The following SFSWAP variants were observed in gnomAD, a reference collection of about 807,000 sequenced individuals.
SFSWAP encodes splicing factor, suppressor of white-apricot homolog.
Under a neutral mutation model 100.7 loss-of-function variants are expected in SFSWAP, and 17 were observed. The ratio of observed to expected loss-of-function variants is 0.17; its 90% confidence interval spans 0.12 to 0.25. The LOEUF (loss-of-function observed/expected upper bound fraction) is 0.25. SFSWAP is among the 10% of genes least tolerant of loss of function. The pLI, the probability that SFSWAP is intolerant of heterozygous loss-of-function variation, is 1.00. For missense variants in SFSWAP, 1,005 were observed against 1,262.6 expected (o/e 0.80, Z 3.09); for synonymous variants, 504 against 510.1 (o/e 0.99, Z 0.16).
At chr12:131,736,069 C>G (rs1006535856) in intron 7 of SFSWAP, among the ~76,000 whole-genome samples, 5 of 152,200 alleles carry the variant, frequency 3.3e-5, no homozygotes, top group Admixed American at 1.3e-4. Flanking sequence ...AGCCACCAGT[C>G]CAGCCAGGGA....
At position 131,714,280 on chromosome 12, in the gene SFSWAP, T is replaced by A. The variant is rs112755747; in HGVS notation, c.388+40T>A. 3.3e-6 allele frequency: 5 copies of A among 1,525,160 alleles called. No individual in the cohort carries two copies. Among genetic ancestry groups the A allele is most frequent in the South Asian group, 2.5e-5 (2 of 80,688 alleles). 94.5% of individuals were successfully genotyped at this position (1,525,160 alleles called of 1,614,324 possible). A position where few individuals can be genotyped will look rare whatever the true frequency, so the allele number is the denominator to read the frequency against. On this transcript the variant is annotated intron_variant, in intron 2 of 17. Transcript: ENST00000261674. The surrounding 1 kb of genome is among the most constrained non-coding windows in gnomAD (Gnocchi z 6.0). ...AAACTTACTTCAGCAACAAACTTTT[T>A]AAAATTTTTAAGTATTTAAAAATTT...
intron 7 of SFSWAP, among the ~76,000 whole-genome samples, chr12:131,740,966 CTTT>C (rs60047663): frequency 2.3e-4 from 16 of 70,134 alleles, no homozygotes; most frequent in Non-Finnish European, 2.7e-4. Flanking sequence ...TCTTTTTTTT[CTTT>C]TTTTTTTTTT....
intron 3 of SFSWAP, among the ~76,000 whole-genome samples, chr12:131,716,124 C>T (rs907508818): frequency 5.3e-5 from 8 of 152,224 alleles, no homozygotes; most frequent in South Asian, 2.1e-4. Context: ...CCAAGGGCTG[C>T]GATCCTAACG....
chr12:131,795,989 AGGG>A (rs1885619005), intron 15 of SFSWAP: 4 of 34,702 alleles, frequency 1.2e-4, no homozygotes, highest in Admixed American at 1.0e-3. Context: ...AGGGGAGGGG[AGGG>A]GAGAGGGGGA....
intron 14 of SFSWAP, among the ~76,000 whole-genome samples, chr12:131,779,258 GGTGA>G (rs1470121479): frequency 2.2e-4 from 33 of 149,938 alleles, no homozygotes; most frequent in Non-Finnish European, 4.5e-4. Flanking sequence ...GGGCGGCGCG[GGTGA>G]GTGTGTGTGA....
chr12:131,778,154 A>G lies in SFSWAP; in HGVS notation c.2232A>G (p.Lys744=), dbSNP rs1211842953. The G allele has an allele frequency of 6.2e-7, 1 of 1,612,454 alleles. No individual in the cohort carries two copies. Among genetic ancestry groups the G allele is most frequent in the Non-Finnish European group, 8.5e-7 (1 of 1,179,546 alleles). ...EVKPPDRPSS[K]SKDPPREEEK... ...AACCACCCGATAGGCCTTCGAGCAAAAGCAAAGATCCACCGAGAGAAGAAG... is the reference window on the plus strand; with the variant it reads ...AACCACCCGATAGGCCTTCGAGCAAGAGCAAAGATCCACCGAGAGAAGAAG... Residue 744 remains lysine, a synonymous_variant, in exon 14 of 18, where the codon AAA becomes AAG. Transcript: ENST00000261674. This position sits in a 1 kb window ranked among gnomAD's most constrained non-coding sequence, Gnocchi z 4.2.
At chr12:131,791,988 C>T (rs1200975523) in intron 15 of SFSWAP, among the ~76,000 whole-genome samples, 4 of 148,796 alleles carry the variant, frequency 2.7e-5, no homozygotes, top group African/African-American at 7.5e-5. Context: ...ACTGTGTGTG[C>T]ACCCGTGTGT....
At chr12:131,792,090 G>T (rs1885278902) in intron 15 of SFSWAP, among the ~76,000 whole-genome samples, 4 of 151,828 alleles carry the variant, frequency 2.6e-5, no homozygotes, top group Admixed American at 2.0e-4. Flanking sequence ...ATTACTGTGT[G>T]TGCGCCCATG....
intron 3 of SFSWAP, among the ~76,000 whole-genome samples, chr12:131,715,848 A>C (rs1877861885): frequency 6.6e-6 from 1 of 152,206 alleles, no homozygotes; most frequent in Admixed American, 6.5e-5. Flanking sequence ...TATCTTTTTA[A>C]ATTTTTTTAT....
Position 131,711,403 on chromosome 12 carries a change from G to C in SFSWAP, c.174G>C (p.Gln58His). The C allele has an allele frequency of 6.2e-7, 1 of 1,613,852 alleles. No homozygotes were observed. Among genetic ancestry groups the C allele is most frequent in the African/African-American group, 1.3e-5 (1 of 75,076 alleles). Residue 58 changes from glutamine (Q) to histidine (H), a missense_variant, in exon 1 of 18, where the codon CAG becomes CAC. This residue lies in a region of SFSWAP where 237 missense variants were observed against 337.0 expected (regional missense o/e 0.70). Transcript: ENST00000261674. The surrounding 1 kb of genome is among the most constrained non-coding windows in gnomAD (Gnocchi z 4.9). The stretch of plus-strand genomic sequence containing the variant: ...GGGCCCTGGCTCAGGAACAGGGACA[G>C]CACCTCATCCCCTGGATGGGGGACC... ...DERALAQEQG[Q>H]HLIPWMGDHK...
intron 1 of SFSWAP, chr12:131,712,027 G>C (rs189223005): frequency 1.3e-5 from 2 of 152,748 alleles, no homozygotes; most frequent in Non-Finnish European, 2.9e-5. Flanking sequence ...TTGATTTCCC[G>C]GTGATAATCC....
intron 13 of SFSWAP, among the ~76,000 whole-genome samples, chr12:131,773,499 C>T (rs1339072358): frequency 2.0e-5 from 3 of 152,130 alleles, no homozygotes; most frequent in Non-Finnish European, 4.4e-5. Flanking sequence ...TGCCACCATG[C>T]CCAGCTAAAT....
At chr12:131,775,205 G>A (rs554936911) in intron 13 of SFSWAP, among the ~76,000 whole-genome samples, 2 of 152,210 alleles carry the variant, frequency 1.3e-5, no homozygotes, top group Non-Finnish European at 2.9e-5. Context: ...ACCAGAAAAA[G>A]ACAGCAAAGA....
chr12:131,748,669 G>A (rs1382159564), intron 7 of SFSWAP, among the ~76,000 whole-genome samples: 1 of 152,248 alleles, frequency 6.6e-6, no homozygotes, highest in Non-Finnish European at 1.5e-5. Context: ...GGCCTTGGGA[G>A]ATAATTAGGC....
rs970208575 is a variant in SFSWAP, at chr12:131,778,448, G to A, written c.2408+118G>A. The stretch of plus-strand genomic sequence containing the variant: ...AGTGCCGCTTTCATTAAGCAGACGC[G>A]TGTATGCATGTGCATGTGTGCCCTG... On this transcript the variant is annotated intron_variant, in intron 14 of 17. Coordinates refer to ENST00000261674, the MANE Select transcript of SFSWAP (RefSeq NM_004592.4). The surrounding 1 kb of genome is among the most constrained non-coding windows in gnomAD (Gnocchi z 4.2). 2.9e-5 allele frequency: 42 copies of A among 1,428,964 alleles called. No individual in the cohort carries two copies. The highest frequency in any genetic ancestry group is 1.2e-4 in the Admixed American group (5 of 40,460). The allele number at this position is 1,428,964 out of a possible 1,614,324, so 88.5% of individuals were successfully genotyped here.
chr12:131,741,912 A>G (rs962830329), intron 7 of SFSWAP, among the ~76,000 whole-genome samples: 1 of 151,968 alleles, frequency 6.6e-6, no homozygotes, highest in Non-Finnish European at 1.5e-5. Flanking sequence ...GGGCGTGTGC[A>G]GGGTCTCATG....
rs372293545 is a variant in SFSWAP at position 131,786,443 on chromosome 12, C to G, written c.2409-20C>G. The G allele has an allele frequency of 1.3e-6, 2 of 1,580,618 alleles. No individual in the cohort carries two copies. Among genetic ancestry groups the G allele is most frequent in the African/African-American group, 2.7e-5 (2 of 74,368 alleles). ...GCCAGCCAGGCCACAGAGCTGAACACTGCCTCCTCCCCTGTCCAGGTCCCG... is the reference window on the plus strand; with the variant it reads ...GCCAGCCAGGCCACAGAGCTGAACAGTGCCTCCTCCCCTGTCCAGGTCCCG... On this transcript the variant is annotated intron_variant, in intron 14 of 17. Transcript: ENST00000261674.
chr12:131,738,885 C>CTTTTTTTTTTTTTTTGTTT (rs1880308694), intron 7 of SFSWAP, among the ~76,000 whole-genome samples: 1 of 48,718 alleles, frequency 2.1e-5, no homozygotes, highest in African/African-American at 5.8e-5. Flanking sequence ...GAACATTATT[C>CTTTTTTTTTTTTTTTGTTT]TTTTTTTTTT....
At chr12:131,742,841 G>T (rs141946196) in intron 7 of SFSWAP, among the ~76,000 whole-genome samples, 1 of 152,140 alleles carries the variant, frequency 6.6e-6, no homozygotes, top group East Asian at 1.9e-4. Context: ...AGACATACCC[G>T]AGACTGAGGA....
Sources: allele counts gnomAD v4.1 joint callset (sites outside exome capture counted in the v4.1 genomes callset), GRCh38; gene constraint gnomAD v4.1.1; regional missense constraint gnomAD v4.1.1; non-coding constraint Gnocchi (gnomAD v3.1); transcripts MANE v1.5; gene names NCBI Gene and HGNC (gene_info 2026-07-23, HGNC 2026-07-21).